The following ITPK1 variants were observed in gnomAD, a reference collection of about 807,000 sequenced individuals.
The protein encoded by ITPK1 is inositol-tetrakisphosphate 1-kinase.
Under a neutral mutation model 45.3 loss-of-function variants are expected in ITPK1, and 21 were observed. The ratio of observed to expected loss-of-function variants is 0.46; its 90% CI spans 0.33 to 0.67. The LOEUF (loss-of-function observed/expected upper bound fraction) is 0.67. ITPK1 is among the 30% of genes least tolerant of loss of function. ITPK1 has a pLI of 0.02. For missense variants in ITPK1, 474 were observed against 573.5 expected (o/e 0.83, Z 1.77); for synonymous variants, 258 against 253.6 (o/e 1.02, Z -0.16).
At chr14:92,950,499 AAGG>A (rs2035668758) in intron 9 of ITPK1, among the ~76,000 whole-genome samples, 1 of 152,320 alleles carries the variant, frequency 6.6e-6, no homozygotes, top group South Asian at 2.1e-4. Context: ...GTGCTGAGGG[AAGG>A]AGGAGGTGAC....
intron 3 of ITPK1, among the ~76,000 whole-genome samples, chr14:93,057,266 A>G (rs886557453): frequency 5.3e-5 from 8 of 152,202 alleles, no homozygotes; most frequent in African/African-American, 1.9e-4. Flanking sequence ...CATTTGCTAT[A>G]CACAGAAACA....
rs1301542907 is a variant in ITPK1, at chr14:93,036,995, T to C, written c.121-20194A>G. ...ACCCCCTAACAATGCTCCTTTTTTC[T>C]TGGGCACTGACCCTCACTTATCAGG... On this transcript the variant is annotated intron_variant, in intron 3 of 10. Coordinates refer to ENST00000267615, the MANE Select transcript of ITPK1 (RefSeq NM_014216.6). The surrounding 1 kb of genome is among the most constrained non-coding windows in gnomAD (Gnocchi z 4.1). 6.6e-6 allele frequency: 1 copy of C among 152,250 alleles called. No homozygotes were observed. The highest frequency in any genetic ancestry group is 2.4e-5 in the African/African-American group (1 of 41,440). The allele number at this position is 152,250 out of a possible 1,614,324, so 9.4% of individuals were successfully genotyped here.
intron 5 of ITPK1, among the ~76,000 whole-genome samples, chr14:92,985,223 G>A (rs1022636853): frequency 2.6e-5 from 4 of 152,176 alleles, no homozygotes; most frequent in African/African-American, 9.7e-5. Context: ...GATGGCAGGA[G>A]ACCACAGAGA....
chr14:92,957,295 A>C (rs1193581743), intron 8 of ITPK1, among the ~76,000 whole-genome samples: 1 of 152,262 alleles, frequency 6.6e-6, no homozygotes, highest in Non-Finnish European at 1.5e-5. Flanking sequence ...ACAGCGGGGC[A>C]GTGAGTGTTC....
At chr14:93,057,322 C>A (rs1195562622) in intron 3 of ITPK1, among the ~76,000 whole-genome samples, 1 of 152,218 alleles carries the variant, frequency 6.6e-6, no homozygotes, top group African/African-American at 2.4e-5. Flanking sequence ...TGTGTTCTCT[C>A]GAAATCTGTC....
chr14:93,110,979 C>T (rs1276506269), intron 2 of ITPK1, among the ~76,000 whole-genome samples: 1 of 152,078 alleles, frequency 6.6e-6, no homozygotes, highest in African/African-American at 2.4e-5. Context: ...GTTTCCTCAT[C>T]CCTCCATCCC....
chr14:93,035,025 T>C (rs77340540), intron 3 of ITPK1, among the ~76,000 whole-genome samples: 272 of 152,320 alleles, frequency 1.8e-3, no homozygotes, highest in African/African-American at 6.1e-3. Context: ...TTCTTTTGGG[T>C]CCTGCCTCTT....
chr14:93,044,527 G>GA (rs1298643503), intron 3 of ITPK1, among the ~76,000 whole-genome samples: 2 of 152,224 alleles, frequency 1.3e-5, no homozygotes, highest in African/African-American at 4.8e-5. Context: ...GCAGCAGATG[G>GA]AAACTCTGGA....
intron 3 of ITPK1, among the ~76,000 whole-genome samples, chr14:93,041,300 G>C (rs1889552951): frequency 6.6e-6 from 1 of 152,214 alleles, no homozygotes; most frequent in Admixed American, 6.5e-5. Context: ...CCTCCTCCAA[G>C]AAGTCTTCTC....
rs766225567 is a variant in ITPK1 at position 93,016,784 on chromosome 14, C to T, written c.138G>A (p.Pro46=). ...MEVVQLNLSR[P]IEEQGPLDVI... ...CGTCCAGGGGGCCCTGCTCCTCGAT[C>T]GGCCGGCTAAGGTTCAGCTGTGAGG... The change falls in exon 4 of 11, where the codon CCG becomes CCA. Residue 46 remains proline (P), a synonymous_variant. Coordinates refer to ENST00000267615, the MANE Select transcript of ITPK1 (RefSeq NM_014216.6). The surrounding 1 kb of genome is among the most constrained non-coding windows in gnomAD (Gnocchi z 5.0). 12 of 1,613,956 alleles carry T rather than the reference C, an allele frequency of 7.4e-6. No individual in the cohort carries two copies. The highest frequency in any genetic ancestry group is 2.2e-5 in the East Asian group (1 of 44,902).
intron 3 of ITPK1, among the ~76,000 whole-genome samples, chr14:93,042,164 T>A (rs1388990107): frequency 6.6e-6 from 1 of 152,176 alleles, no homozygotes; most frequent in Non-Finnish European, 1.5e-5. Flanking sequence ...AGAGAACAAA[T>A]GACTCAAGTG....
In ITPK1 at chr14:93,034,490, A is replaced by G. The variant is rs2139897535; in HGVS notation, c.121-17689T>C. ...TATTTCTGTGCTTTTCCTCTCCAAG[A>G]ATAGAATGGGGAGGCGGGCTCCACC... is the stretch of plus-strand genomic sequence containing the variant. On this transcript the variant is annotated intron_variant, in intron 3 of 10. Coordinates refer to ENST00000267615, the MANE Select transcript of ITPK1 (RefSeq NM_014216.6). This position sits in a 1 kb window ranked among gnomAD's most constrained non-coding sequence, Gnocchi z 4.1. Among the ~76,000 whole-genome samples the G allele has an allele frequency of 6.6e-6, 1 of 152,204 alleles. No homozygotes were observed. Among genetic ancestry groups the G allele is most frequent in the East Asian group, 1.9e-4 (1 of 5,154 alleles).
At chr14:93,031,703 T>C (rs1889071232) in intron 3 of ITPK1, among the ~76,000 whole-genome samples, 1 of 152,108 alleles carries the variant, frequency 6.6e-6, no homozygotes, top group Admixed American at 6.5e-5. Context: ...CATCCCCAAG[T>C]GGGATTCCGA....
intron 3 of ITPK1, among the ~76,000 whole-genome samples, chr14:93,026,026 C>T (rs926937402): frequency 6.6e-6 from 1 of 152,100 alleles, no homozygotes; most frequent in African/African-American, 2.4e-5. Flanking sequence ...ATCCCAGCTA[C>T]TCAGGAGGTT....
At chr14:93,052,442 A>G (rs76322660) in intron 3 of ITPK1, among the ~76,000 whole-genome samples, 5,427 of 152,178 alleles carry the variant, frequency 0.036, 331 homozygotes, top group African/African-American at 0.12. Context: ...CATAATCCCA[A>G]GCTCTCCAAG....
Position 93,016,871 on chromosome 14 carries a change from C to T in ITPK1, c.121-70G>A. ...GAGTCCACTGCCCCCATCCTCTTGT[C>T]CACCCTGGGGCATATCACCAGAGGA... On this transcript the variant is annotated intron_variant, in intron 3 of 10. Transcript: ENST00000267615. The surrounding 1 kb of genome is among the most constrained non-coding windows in gnomAD (Gnocchi z 5.0). The T allele has an allele frequency of 6.3e-7, 1 of 1,589,988 alleles. No homozygotes were observed. The highest frequency in any genetic ancestry group is 8.6e-7 in the Non-Finnish European group (1 of 1,167,654).
rs368764213 is a variant in ITPK1, at chr14:93,101,864, C to T, written c.95+13205G>A. 5.9e-5 allele frequency among the ~76,000 whole-genome samples: 9 copies of T among 152,224 alleles called. No individual in the cohort carries two copies. In the South Asian group the frequency reaches 1.5e-3, roughly 25 times the overall value. On this transcript the variant is annotated intron_variant, in intron 2 of 10. Transcript: ENST00000267615. ...CCCAGGGTGATCGGCTATGAAACCC[C>T]GGGAAAGTCACTTACCCTCTCTGAG...
At chr14:93,046,603 G>T (rs1043987713) in intron 3 of ITPK1, among the ~76,000 whole-genome samples, 234 of 142,086 alleles carry the variant, frequency 1.6e-3, no homozygotes, top group African/African-American at 6.0e-3. Context: ...GCGGGGGGGG[G>T]CGGCGGGGGG....
intron 8 of ITPK1, among the ~76,000 whole-genome samples, chr14:92,952,633 G>T (rs1273524527): frequency 6.6e-6 from 1 of 152,224 alleles, no homozygotes; most frequent in Non-Finnish European, 1.5e-5. Context: ...AGCTGGCACA[G>T]AGAGTCTGAA....
Sources: allele counts gnomAD v4.1 joint callset (sites outside exome capture counted in the v4.1 genomes callset), GRCh38; gene constraint gnomAD v4.1.1; non-coding constraint Gnocchi (gnomAD v3.1); transcripts MANE v1.5; gene names NCBI Gene and HGNC (gene_info 2026-07-23, HGNC 2026-07-21).